The following STX3 variants were observed in gnomAD, a reference collection of about 807,000 sequenced individuals.
The protein encoded by STX3 is syntaxin 3.
Under a neutral mutation model 40.2 loss-of-function variants are expected in STX3, and 19 were observed. The observed-to-expected ratio is 0.47, with a 90% CI of 0.33 to 0.69. The LOEUF (loss-of-function observed/expected upper bound fraction) is 0.69. Among genes scored for constraint, STX3 ranks in the 30% least tolerant of loss-of-function variants. The pLI is 0.02. For synonymous variants in STX3, 122 were observed against 132.2 expected (o/e 0.92, Z 0.53); for missense variants, 364 against 366.7 (o/e 0.99, Z 0.06).
chr11:59,763,699 A>G (rs1863148381), intron 1 of STX3, among the ~76,000 whole-genome samples: 1 of 152,200 alleles, frequency 6.6e-6, no homozygotes, highest in Non-Finnish European at 1.5e-5. Flanking sequence ...AAGATAAATC[A>G]AAGTAGAAAT....
At chr11:59,766,577 A>G (rs539537) in intron 1 of STX3, among the ~76,000 whole-genome samples, 1,900 of 152,278 alleles carry the variant, frequency 0.012, 39 homozygotes, top group African/African-American at 0.043. Context: ...GGTTTCCGCA[A>G]ATCTGCACTG....
At chr11:59,757,948 C>T (rs1046043016) in intron 1 of STX3, among the ~76,000 whole-genome samples, 7 of 152,218 alleles carry the variant, frequency 4.6e-5, no homozygotes, top group Non-Finnish European at 1.0e-4. Flanking sequence ...TGCGTCTTCT[C>T]CCTCTGATTT....
At chr11:59,798,210 GT>G (rs869122698) in intron 10 of STX3, among the ~76,000 whole-genome samples, 1,923 of 116,444 alleles carry the variant, frequency 0.017, 33 homozygotes, top group African/African-American at 0.067. Flanking sequence ...TGAATCACTG[GT>G]TTTTTTTTTT....
intron 9 of STX3, among the ~76,000 whole-genome samples, chr11:59,796,590 A>G (rs1326849021): frequency 6.6e-6 from 1 of 152,098 alleles, no homozygotes; most frequent in Non-Finnish European, 1.5e-5. Flanking sequence ...GTATGGGCAA[A>G]AGTAGGAAAT....
chr11:59,784,695 C>G (rs1034501349), intron 2 of STX3, among the ~76,000 whole-genome samples: 1 of 152,150 alleles, frequency 6.6e-6, no homozygotes, highest in Non-Finnish European at 1.5e-5. Context: ...TTAAAACCAT[C>G]AGATCTTGTG....
intron 4 of STX3, 45 bp from the exon 5 acceptor site, chr11:59,790,474 G>C (rs1303180947): frequency 7.0e-7 from 1 of 1,429,390 alleles, no homozygotes; most frequent in African/African-American, 1.4e-5. Flanking sequence ...CATGTTTCTT[G>C]GAGGCGGAGA....
At chr11:59,792,840 T>C (rs1865278540) in intron 6 of STX3, among the ~76,000 whole-genome samples, 1 of 152,040 alleles carries the variant, frequency 6.6e-6, no homozygotes, top group Admixed American at 6.6e-5. Flanking sequence ...TTGGACACCA[T>C]AGTGTAGTGA....
chr11:59,793,413 A>G lies in STX3; in HGVS notation c.574A>G (p.Ser192Gly). The part of the protein sequence containing the change: ...IDSQISKQAL[S>G]EIEGRHKDIV... ...CTCACAGATTTCCAAGCAAGCCCTC[A>G]GTGAGATTGAGGGACGACACAAGGA... is the stretch of plus-strand genomic sequence containing the variant. Residue 192 changes from serine (S) to glycine (G), a missense_variant, in exon 8 of 11, where the codon AGT becomes GGT. Coordinates refer to ENST00000337979, the MANE Select transcript of STX3 (RefSeq NM_004177.5). The G allele has an allele frequency of 6.2e-7, 1 of 1,614,162 alleles. No individual in the cohort carries two copies. Among genetic ancestry groups the G allele is most frequent in the Non-Finnish European group, 8.5e-7 (1 of 1,180,012 alleles).
chr11:59,799,626 A>C, intron 10 of STX3: 337 of 981,902 alleles, frequency 3.4e-4, no homozygotes, highest in Middle Eastern at 1.0e-3. Context: ...TTGGCACATA[A>C]TACCATGCCA....
At chr11:59,776,610 C>G (rs555857667) in intron 2 of STX3, among the ~76,000 whole-genome samples, 61 of 152,294 alleles carry the variant, frequency 4.0e-4, no homozygotes, top group African/African-American at 1.5e-3. Flanking sequence ...ATAAAACTTA[C>G]TGTTTGGACT....
chr11:59,761,326 T>G (rs947699794), intron 1 of STX3, among the ~76,000 whole-genome samples: 1 of 152,228 alleles, frequency 6.6e-6, no homozygotes, highest in Non-Finnish European at 1.5e-5. Flanking sequence ...CTTCCCAGGC[T>G]GACAGCACTG....
At position 59,803,114 on chromosome 11, in the gene STX3, T is replaced by G. The variant is rs1168761057; in HGVS notation, c.*2290T>G. ...CTCCTTTTTCCTTCTGTTGCTCTCT[T>G]CCTTCACACCCTCTTCCATGTCCAC... On this transcript the variant is annotated 3_prime_UTR_variant, in exon 11 of 11. Coordinates refer to ENST00000337979, the MANE Select transcript of STX3 (RefSeq NM_004177.5). The G allele has an allele frequency of 3.5e-5, 43 of 1,229,462 alleles. No individual in the cohort carries two copies. Among genetic ancestry groups the G allele is most frequent in the Admixed American group, 4.2e-5 (1 of 23,634 alleles). 76.2% of individuals were successfully genotyped at this position (1,229,462 alleles called of 1,614,324 possible). A position where few individuals can be genotyped will look rare whatever the true frequency, so the allele number is the denominator to read the frequency against.
At chr11:59,779,917 A>G (rs907117459) in intron 2 of STX3, among the ~76,000 whole-genome samples, 1 of 152,216 alleles carries the variant, frequency 6.6e-6, no homozygotes, top group Admixed American at 6.5e-5. Flanking sequence ...CATTAAATCT[A>G]GCAGGTTAAA....
chr11:59,755,503 C>T lies in STX3; in HGVS notation c.-103C>T, dbSNP rs1590734546. 2 of 1,394,864 alleles carry T rather than the reference C, an allele frequency of 1.4e-6. No homozygotes were observed. The highest frequency in any genetic ancestry group is 3.0e-5 in the East Asian group (1 of 32,964). 86.4% of individuals were successfully genotyped at this position (1,394,864 alleles called of 1,614,324 possible). On this transcript the variant is annotated 5_prime_UTR_variant, in exon 1 of 11. Transcript: ENST00000337979. ...GCCTGCGCCTCCAGCTCCTTCGCCC[C>T]GGCGGGCCCGGCCGCCGCTTCCGGC... is the stretch of plus-strand genomic sequence containing the variant.
intron 6 of STX3, 136 bp from the exon 7 acceptor site, chr11:59,792,963 G>A: frequency 1.3e-6 from 1 of 764,900 alleles, no homozygotes; most frequent in Non-Finnish European, 2.2e-6. Context: ...AATAAGATGA[G>A]TCAGGAGGCA....
chr11:59,766,114 G>T (rs775022379), intron 1 of STX3, among the ~76,000 whole-genome samples: 1 of 152,122 alleles, frequency 6.6e-6, no homozygotes, highest in Non-Finnish European at 1.5e-5. Flanking sequence ...TTTCTGCCTT[G>T]TCCTGGGACC....
Position 59,797,726 on chromosome 11 carries a change from G to A in STX3, c.*30+330G>A, listed in dbSNP as rs143601522. 1.9e-3 allele frequency among the ~76,000 whole-genome samples: 284 copies of A among 152,288 alleles called. 1 individual carries two copies. The highest frequency in any genetic ancestry group is 6.4e-3 in the African/African-American group (267 of 41,564). On this transcript the variant is annotated intron_variant, in intron 10 of 10. Transcript: ENST00000337979. Reference sequence around the variant, plus strand: ...ATGCTTCTAAGTTGGGTACATCTCTGTCTTGGATCTGGAGTCTGTCTTCTG... The same window carrying A: ...ATGCTTCTAAGTTGGGTACATCTCTATCTTGGATCTGGAGTCTGTCTTCTG...
chr11:59,782,067 C>T (rs1347916059), intron 2 of STX3, among the ~76,000 whole-genome samples: 1 of 152,194 alleles, frequency 6.6e-6, no homozygotes, highest in East Asian at 1.9e-4. Flanking sequence ...TTACCCCATG[C>T]AACCTGCCAG....
intron 7 of STX3, 22 bp from the exon 8 acceptor site, chr11:59,793,358 G>A (rs1209667394): frequency 1.1e-5 from 17 of 1,609,570 alleles, no homozygotes; most frequent in Non-Finnish European, 1.4e-5. Context: ...GTAGCTAACA[G>A]TCTGTGTGTG....
Sources: gnomAD v4.1 joint callset for allele counts (sites outside exome capture counted in the v4.1 genomes callset) on GRCh38, gnomAD v4.1.1 for gene constraint, MANE v1.5 for transcripts, NCBI Gene and HGNC (gene_info 2026-07-23, HGNC 2026-07-21) for gene names.